The following ROBO2 variants were observed in gnomAD, a reference collection of about 807,000 sequenced individuals.
ROBO2 encodes roundabout homolog 2.
A neutral mutation model predicts 160.8 loss-of-function variants in ROBO2; 53 were observed. The ratio of observed to expected loss-of-function variants is 0.33; its 90% confidence interval spans 0.26 to 0.41. ROBO2 has a LOEUF of 0.41. Among genes scored for constraint, ROBO2 ranks in the 10% least tolerant of loss-of-function variants. The pLI is 1.00. For synonymous variants in ROBO2, 664 were observed against 611.7 expected (o/e 1.09, Z -1.26); for missense variants, 1,577 against 1,722.4 (o/e 0.92, Z 1.49).
At chr3:77,501,580 A>G (rs1199747583) in intron 5 of ROBO2, among the ~76,000 whole-genome samples, 1 of 152,214 alleles carries the variant, frequency 6.6e-6, no homozygotes, top group African/African-American at 2.4e-5. Context: ...TCTGAGTACC[A>G]GAGTCCACAT....
At chr3:76,024,931 G>GTGTGCGTATATATATATATATTATATATA (rs2066690587) in intron 2 of ROBO2, among the ~76,000 whole-genome samples, 1 of 149,712 alleles carries the variant, frequency 6.7e-6, no homozygotes, top group African/African-American at 2.5e-5. Flanking sequence ...GTATGTGTGT[G>GTGTGCGTATATATATATATATTATATATA]TGTGCGTATA....
At chr3:76,527,537 A>G (rs1475373196) in intron 2 of ROBO2, among the ~76,000 whole-genome samples, 1 of 152,102 alleles carries the variant, frequency 6.6e-6, no homozygotes, top group Admixed American at 6.6e-5. Context: ...GGCCTTCTTC[A>G]TATTATTTGG....
chr3:77,492,359 T>C (rs1214979069), intron 4 of ROBO2, among the ~76,000 whole-genome samples: 1 of 152,176 alleles, frequency 6.6e-6, no homozygotes, highest in African/African-American at 2.4e-5. Flanking sequence ...TACTTTTTGA[T>C]TTGTATCCTC....
At chr3:77,432,056 A>G (rs1387501265) in intron 2 of ROBO2, among the ~76,000 whole-genome samples, 2 of 152,212 alleles carry the variant, frequency 1.3e-5, no homozygotes, top group Non-Finnish European at 2.9e-5. Flanking sequence ...TCTCTGCAGC[A>G]TATAATGAAT....
chr3:76,168,904 G>A (rs965641481), intron 2 of ROBO2, among the ~76,000 whole-genome samples: 14 of 151,400 alleles, frequency 9.2e-5, no homozygotes, highest in African/African-American at 3.4e-4. Flanking sequence ...ATATACAAAT[G>A]TGTATAAATT....
chr3:76,010,878 G>T (rs2066171818), intron 2 of ROBO2, among the ~76,000 whole-genome samples: 1 of 151,982 alleles, frequency 6.6e-6, no homozygotes, highest in Non-Finnish European at 1.5e-5. Flanking sequence ...AAAGTACAAG[G>T]TAAATAAATA....
chr3:77,007,112 A>G (rs1176419562), intron 2 of ROBO2, among the ~76,000 whole-genome samples: 1 of 152,156 alleles, frequency 6.6e-6, no homozygotes, highest in Non-Finnish European at 1.5e-5. Context: ...AATGCCCAGG[A>G]AAACCAGGTG....
intron 2 of ROBO2, among the ~76,000 whole-genome samples, chr3:77,452,000 A>G (rs968351566): frequency 2.0e-5 from 3 of 151,964 alleles, no homozygotes; most frequent in African/African-American, 7.3e-5. Context: ...ATTCCTACCT[A>G]TGAGTGAGAA....
chr3:77,377,515 C>A lies in ROBO2; in HGVS notation c.389-99899C>A, dbSNP rs114544195. ...CTCATTCACTTTATAACTAGATAAG[C>A]ATTCTATTACATCTTGTATACAAGT... On this transcript the variant is annotated intron_variant, in intron 2 of 25. Coordinates refer to ENST00000461745, the Ensembl canonical transcript of ROBO2. Among the ~76,000 whole-genome samples, 344 of 152,240 alleles carry A rather than the reference C, an allele frequency of 2.3e-3. 1 individual carries two copies. The highest frequency in any genetic ancestry group is 7.9e-3 in the African/African-American group (330 of 41,552).
chr3:76,611,051 G>C (rs1040448267), intron 2 of ROBO2, among the ~76,000 whole-genome samples: 1 of 152,186 alleles, frequency 6.6e-6, no homozygotes, highest in Non-Finnish European at 1.5e-5. Flanking sequence ...GAACGGTGGA[G>C]TGTGGGCTGA....
chr3:77,184,953 A>G (rs2150885787), intron 2 of ROBO2, among the ~76,000 whole-genome samples: 1 of 152,166 alleles, frequency 6.6e-6, no homozygotes, highest in East Asian at 1.9e-4. Context: ...TAGCTTACAG[A>G]ACTTCTTGAT....
At chr3:76,446,331 A>G (rs1243968588) in intron 2 of ROBO2, among the ~76,000 whole-genome samples, 4 of 152,216 alleles carry the variant, frequency 2.6e-5, no homozygotes, top group Non-Finnish European at 5.9e-5. Context: ...TCCCACTTAC[A>G]AGGGATATGA....
intron 1 of ROBO2, among the ~76,000 whole-genome samples, chr3:77,087,234 A>G (rs115634579): frequency 0.05 from 7,553 of 152,290 alleles, 215 homozygotes; most frequent in Middle Eastern, 0.13. Context: ...ATAAATGTCA[A>G]TGGTTTTTAG....
intron 2 of ROBO2, among the ~76,000 whole-genome samples, chr3:76,722,822 C>A (rs1321568841): frequency 6.6e-6 from 1 of 152,152 alleles, no homozygotes; most frequent in Non-Finnish European, 1.5e-5. Context: ...AGTGTTTCAT[C>A]ACATTTTGGT....
intron 2 of ROBO2, among the ~76,000 whole-genome samples, chr3:77,155,470 C>A (rs1235810587): frequency 1.3e-5 from 2 of 151,922 alleles, no homozygotes; most frequent in African/African-American, 4.8e-5. Context: ...TAAAAGTAAC[C>A]TTTAGAACCT....
At chr3:77,273,964 C>A (rs556187775) in intron 2 of ROBO2, among the ~76,000 whole-genome samples, 6 of 150,196 alleles carry the variant, frequency 4.0e-5, no homozygotes, top group African/African-American at 1.4e-4. Context: ...TGAATCTAAC[C>A]TAGACAAGTT....
intron 2 of ROBO2, among the ~76,000 whole-genome samples, chr3:76,431,151 A>G (rs1316063409): frequency 1.3e-5 from 2 of 152,102 alleles, no homozygotes; most frequent in African/African-American, 2.4e-5. Flanking sequence ...AAAAAGATAA[A>G]CCATTGCTTC....
At chr3:76,812,745 T>C (rs1387815519) in intron 2 of ROBO2, among the ~76,000 whole-genome samples, 1 of 151,938 alleles carries the variant, frequency 6.6e-6, no homozygotes, top group Non-Finnish European at 1.5e-5. Context: ...TTAATAGATA[T>C]CCTGCCAACA....
intron 2 of ROBO2, among the ~76,000 whole-genome samples, chr3:76,769,291 A>C (rs2061747508): frequency 6.6e-6 from 1 of 151,406 alleles, no homozygotes; most frequent in African/African-American, 2.4e-5. Flanking sequence ...TCTTGTTAAA[A>C]TTCATATTCT....
Sources: gnomAD v4.1 joint callset for allele counts (sites outside exome capture counted in the v4.1 genomes callset) on GRCh38, gnomAD v4.1.1 for gene constraint, MANE v1.5 for transcripts, NCBI Gene and HGNC (gene_info 2026-07-23, HGNC 2026-07-21) for gene names.